ATG7: variants seen among roughly 807,000 people sequenced by gnomAD.
ATG7 encodes autophagy related 7, also known as ubiquitin-like modifier-activating enzyme ATG7.
In ATG7, 70 loss-of-function variants were observed where a neutral mutation model predicts 82.4. The observed-to-expected ratio is 0.85, with a 90% CI of 0.70 to 1.04. The LOEUF (loss-of-function observed/expected upper bound fraction) is 1.04. Among genes scored for constraint, ATG7 ranks in the 50% least tolerant of loss-of-function variants. The pLI, the probability that ATG7 is intolerant of heterozygous loss-of-function variation, is 0.00. For synonymous variants in ATG7, 287 were observed against 313.0 expected (o/e 0.92, Z 0.88); for missense variants, 792 against 864.3 (o/e 0.92, Z 1.05).
chr3:11,342,355 C>T, intron 13 of ATG7, 76 bp downstream of exon 13: 7 of 1,494,362 alleles, frequency 4.7e-6, no homozygotes, highest in Non-Finnish European at 6.2e-6. Context: ...TCATGATTGC[C>T]TTCCATCTCC....
chr3:11,418,969 C>T (rs879474141), intron 19 of ATG7, among the ~76,000 whole-genome samples: 6 of 151,940 alleles, frequency 3.9e-5, no homozygotes, highest in Non-Finnish European at 7.4e-5. Flanking sequence ...ACTGCCCCTC[C>T]CCCCCGATCC....
chr3:11,528,339 T>G (rs559666562), intron 20 of ATG7, among the ~76,000 whole-genome samples: 1 of 152,212 alleles, frequency 6.6e-6, no homozygotes, highest in Admixed American at 6.5e-5. Flanking sequence ...AAACATAAGA[T>G]AGCTATCTTA....
chr3:11,468,387 C>T (rs1438838765), intron 20 of ATG7, among the ~76,000 whole-genome samples: 1 of 152,098 alleles, frequency 6.6e-6, no homozygotes, highest in Non-Finnish European at 1.5e-5. Context: ...CTGGATCATG[C>T]CTCGCCTATC....
chr3:11,537,904 G>C (rs112386078), intron 20 of ATG7, among the ~76,000 whole-genome samples: 2 of 152,164 alleles, frequency 1.3e-5, no homozygotes. Context: ...AATTGGGAGC[G>C]TCTTGCCCCA....
chr3:11,432,716 A>G (rs1426883797), intron 20 of ATG7, among the ~76,000 whole-genome samples: 1 of 152,148 alleles, frequency 6.6e-6, no homozygotes, highest in Non-Finnish European at 1.5e-5. Flanking sequence ...CATTCTGCTC[A>G]TGGGGGATTA....
chr3:11,453,515 G>A (rs1283761492), intron 20 of ATG7, among the ~76,000 whole-genome samples: 1 of 152,148 alleles, frequency 6.6e-6, no homozygotes, highest in Non-Finnish European at 1.5e-5. Flanking sequence ...GTAGGCGGGA[G>A]GAAGCTATTT....
chr3:11,457,845 A>G (rs2085893711), intron 20 of ATG7, among the ~76,000 whole-genome samples: 1 of 152,110 alleles, frequency 6.6e-6, no homozygotes, highest in Non-Finnish European at 1.5e-5. Context: ...TTTTCCCTAG[A>G]CCTTGAGCTC....
chr3:11,489,566 G>A (rs953696297), intron 20 of ATG7, among the ~76,000 whole-genome samples: 1 of 143,760 alleles, frequency 7.0e-6, no homozygotes, highest in Middle Eastern at 3.5e-3. Flanking sequence ...TAATTGTGAT[G>A]TTAGGGTGTC....
chr3:11,424,132 T>C (rs959404446), intron 19 of ATG7, among the ~76,000 whole-genome samples: 3 of 151,946 alleles, frequency 2.0e-5, no homozygotes, highest in Admixed American at 6.6e-5. Flanking sequence ...CTGCTGCAGC[T>C]TTGCTCAACC....
intron 10 of ATG7, among the ~76,000 whole-genome samples, chr3:11,332,061 A>G (rs1951729533): frequency 6.6e-6 from 1 of 152,226 alleles, no homozygotes; most frequent in African/African-American, 2.4e-5. Context: ...ACATAGATAG[A>G]AGCAAAACAC....
chr3:11,456,205 G>A (rs1472772462), intron 20 of ATG7, among the ~76,000 whole-genome samples: 1 of 152,124 alleles, frequency 6.6e-6, no homozygotes, highest in Non-Finnish European at 1.5e-5. Flanking sequence ...GGATTTGCGT[G>A]TTCTGAACAT....
At chr3:11,523,611 G>A (rs933260443) in intron 20 of ATG7, among the ~76,000 whole-genome samples, 3 of 152,182 alleles carry the variant, frequency 2.0e-5, no homozygotes, top group South Asian at 2.1e-4. Context: ...CCTGATTTAC[G>A]GTGTTGCTCT....
At chr3:11,553,040 C>G (rs1429969719) in intron 20 of ATG7, among the ~76,000 whole-genome samples, 2 of 152,060 alleles carry the variant, frequency 1.3e-5, no homozygotes, top group Non-Finnish European at 2.9e-5. Flanking sequence ...CCTGCCCTGC[C>G]CAGGCTGGCA....
chr3:11,475,868 GACACACACAC>G (rs3219674), intron 20 of ATG7, among the ~76,000 whole-genome samples: 29 of 111,128 alleles, frequency 2.6e-4, no homozygotes, highest in African/African-American at 2.9e-4. Flanking sequence ...CTGTCTCTGA[GACACACACAC>G]ACACACACAC....
chr3:11,406,620 T>C (rs537578173), intron 19 of ATG7, among the ~76,000 whole-genome samples: 1 of 152,322 alleles, frequency 6.6e-6, no homozygotes, highest in South Asian at 2.1e-4. Flanking sequence ...CTGGGCAGTT[T>C]ACAAAAGAAG....
At chr3:11,497,371 A>ATATATG (rs2090923878) in intron 20 of ATG7, among the ~76,000 whole-genome samples, 1 of 111,474 alleles carries the variant, frequency 9.0e-6, no homozygotes, top group South Asian at 3.1e-4. Flanking sequence ...ATATATATAT[A>ATATATG]TATATATATA....
intron 20 of ATG7, among the ~76,000 whole-genome samples, chr3:11,499,936 C>G (rs13326352): frequency 0.27 from 40,981 of 151,908 alleles, 7,083 homozygotes; most frequent in Non-Finnish European, 0.4. Context: ...AGGTGGCCAA[C>G]AAATATTTTA....
intron 20 of ATG7, 57 bp from the exon 21 acceptor site, chr3:11,554,754 G>A (rs1204520164): frequency 2.5e-6 from 4 of 1,601,240 alleles, no homozygotes; most frequent in Non-Finnish European, 3.4e-6. Context: ...AAGCATCTGT[G>A]TGCCCCCCAC....
intron 19 of ATG7, among the ~76,000 whole-genome samples, chr3:11,381,580 G>A (rs1200194340): frequency 6.6e-6 from 1 of 152,150 alleles, no homozygotes; most frequent in East Asian, 1.9e-4. Context: ...AAAGAGAATA[G>A]CTTAGCATTT....
Sources: allele counts gnomAD v4.1 joint callset (sites outside exome capture counted in the v4.1 genomes callset), GRCh38; gene constraint gnomAD v4.1.1; transcripts MANE v1.5; gene names NCBI Gene and HGNC (gene_info 2026-07-23, HGNC 2026-07-21).